Variants in TMCO6 observed in about 807,000 individuals in gnomAD.
TMCO6 encodes the protein transmembrane and coiled-coil domains 6, also known as transmembrane and coiled-coil domain-containing protein 6.
In TMCO6, 47 loss-of-function variants were observed where a neutral mutation model predicts 61.8. The ratio of observed to expected loss-of-function variants is 0.76; its 90% CI spans 0.60 to 0.97. The LOEUF (loss-of-function observed/expected upper bound fraction) is 0.97, where lower values mean the gene tolerates loss of function less well. TMCO6 is among the 50% of genes least tolerant of loss of function. The pLI, the probability that TMCO6 is intolerant of heterozygous loss-of-function variation, is 0.00. For missense variants in TMCO6, 557 were observed against 601.6 expected, an observed-to-expected ratio of 0.93 and a Z score of 0.78; for synonymous variants, 261 against 254.2, an observed-to-expected ratio of 1.03 and a Z score of -0.25.
At chr5:140,645,594 T>C (rs757640873), downstream of TMCO6, 4 of 1,614,030 alleles carry the variant, frequency 2.5e-6, no homozygotes, top group Admixed American at 1.7e-5. Context: ...GCTTCAGGCT[T>C]TACCACTTAG....
At chr5:140,625,545 A>G in the TMCO6 span, among the ~76,000 whole-genome samples, 1 of 152,118 alleles carries the variant, frequency 6.6e-6, no homozygotes, top group Non-Finnish European at 1.5e-5. Context: ...TAAACTTGCA[A>G]TCCTTCACCC....
At chr5:140,606,326 A>C in the TMCO6 span, among the ~76,000 whole-genome samples, 1 of 151,828 alleles carries the variant, frequency 6.6e-6, no homozygotes, top group African/African-American at 2.4e-5. Context: ...ATAAACAAAA[A>C]AATTGTAGAG....
the TMCO6 span, among the ~76,000 whole-genome samples, chr5:140,599,741 A>G: frequency 6.6e-6 from 1 of 152,060 alleles, no homozygotes; most frequent in African/African-American, 2.4e-5. Context: ...TCTCTACTAA[A>G]AATATAAAAA....
upstream of TMCO6, among the ~76,000 whole-genome samples, chr5:140,637,140 TC>T (rs1756787482): frequency 6.6e-6 from 1 of 151,894 alleles, no homozygotes; most frequent in African/African-American, 2.4e-5. Context: ...TGCGAGAGCC[TC>T]CCCCAAGAGT....
At chr5:140,598,232 G>T in the TMCO6 span, among the ~76,000 whole-genome samples, 1 of 151,136 alleles carries the variant, frequency 6.6e-6, no homozygotes, top group Non-Finnish European at 1.5e-5. Flanking sequence ...TTAGAGACAG[G>T]TTCTTGTTTT....
At chr5:140,618,651 C>T in the TMCO6 span, among the ~76,000 whole-genome samples, 1 of 152,038 alleles carries the variant, frequency 6.6e-6, no homozygotes. Flanking sequence ...CTCTTCCACC[C>T]TCCCCACTCA....
the TMCO6 span, among the ~76,000 whole-genome samples, chr5:140,604,025 C>G: frequency 3.3e-5 from 5 of 152,140 alleles, no homozygotes; most frequent in African/African-American, 4.8e-5. Flanking sequence ...AAAAATTTAT[C>G]ATTATAGCAG....
chr5:140,642,664 A>G lies in TMCO6; in HGVS notation c.682A>G (p.Ile228Val). ...ACAGGCTGAGGAAGCTCCAGAGAAG[A>G]TCATTCCGTGAGTAAAATTGTCTTT... ...LLQAEEAPEKIIPSILASTLP... is the reference protein window; with the variant it reads ...LLQAEEAPEKVIPSILASTLP... Residue 228 changes from isoleucine to valine, a missense_variant, in exon 6 of 12, where the codon ATC becomes GTC. Transcript: ENST00000394671. 1 of 1,614,190 alleles carries G rather than the reference A, an allele frequency of 6.2e-7. No homozygotes were observed. The highest frequency in any genetic ancestry group is 1.1e-5 in the South Asian group (1 of 91,086).
chr5:140,644,239 G>A (rs1014061284), intron 10 of TMCO6, 45 bp downstream of exon 10: 11 of 1,580,690 alleles, frequency 7.0e-6, no homozygotes, highest in Non-Finnish European at 8.7e-6. Context: ...TAGTCGGATT[G>A]TATGGGACAG....
rs771603330 is a variant in TMCO6, at chr5:140,642,405, G to A, written c.589G>A (p.Ala197Thr). ...LLPQGIVPAL[A>T]ACIQSPHVAV... Reference sequence around the variant, plus strand: ...GCCACAGGGCATTGTTCCAGCCTTGGCTGCCTGCATCCAGGTGACTCCTTT... The same window carrying A: ...GCCACAGGGCATTGTTCCAGCCTTGACTGCCTGCATCCAGGTGACTCCTTT... Residue 197 changes from alanine (A) to threonine (T), a missense_variant, in exon 5 of 12, where the codon GCT becomes ACT. Transcript: ENST00000394671. 6.2e-7 allele frequency: 1 copy of A among 1,613,010 alleles called. No homozygotes were observed.
the TMCO6 span, among the ~76,000 whole-genome samples, chr5:140,613,029 T>C: frequency 6.6e-6 from 1 of 151,930 alleles, no homozygotes; most frequent in African/African-American, 2.4e-5. Flanking sequence ...AAGATACAAA[T>C]AAAGAAGACA....
chr5:140,627,475 T>G, the TMCO6 span, among the ~76,000 whole-genome samples: 1 of 152,222 alleles, frequency 6.6e-6, no homozygotes, highest in Non-Finnish European at 1.5e-5. Context: ...ATGTATAAAT[T>G]TTGAAGACAT....
chr5:140,633,008 C>A, the TMCO6 span: 4 of 1,613,966 alleles, frequency 2.5e-6, no homozygotes, highest in Non-Finnish European at 3.4e-6. Flanking sequence ...GTCTAGGAGG[C>A]CCCATCCAAC....
chr5:140,643,192 T>C, intron 7 of TMCO6, 151 bp downstream of exon 7: 2 of 1,152,086 alleles, frequency 1.7e-6, no homozygotes, highest in Non-Finnish European at 2.4e-6. Flanking sequence ...CCACAGACCT[T>C]AGCTGTTTCT....
At chr5:140,631,140 T>C in the TMCO6 span, among the ~76,000 whole-genome samples, 1 of 152,218 alleles carries the variant, frequency 6.6e-6, no homozygotes, top group Admixed American at 6.5e-5. Context: ...AGACCGACTG[T>C]ATCTTGCGTC....
the TMCO6 span, among the ~76,000 whole-genome samples, chr5:140,634,341 AAAC>A: frequency 6.6e-6 from 1 of 152,196 alleles, no homozygotes. Context: ...CAAAAACAGA[AAAC>A]AAAACAAAAT....
the TMCO6 span, among the ~76,000 whole-genome samples, chr5:140,603,050 C>T: frequency 6.6e-6 from 1 of 151,960 alleles, no homozygotes. Flanking sequence ...GTGTATGATT[C>T]AGTGGTATTT....
At chr5:140,606,999 A>AAATAAT in the TMCO6 span, among the ~76,000 whole-genome samples, 1 of 134,716 alleles carries the variant, frequency 7.4e-6, no homozygotes, top group African/African-American at 2.9e-5. Context: ...TAAAAAAAAA[A>AAATAAT]AATAATAATA....
chr5:140,634,571 C>T (rs1297564141), upstream of TMCO6, among the ~76,000 whole-genome samples: 7 of 150,696 alleles, frequency 4.6e-5, no homozygotes, highest in African/African-American at 1.2e-4. Flanking sequence ...CTGCAACCTC[C>T]GCCTCCCAAG....
Sources: gnomAD v4.1 joint callset for allele counts (sites outside exome capture counted in the v4.1 genomes callset) on GRCh38, gnomAD v4.1.1 for gene constraint, MANE v1.5 for transcripts, NCBI Gene and HGNC (gene_info 2026-07-23, HGNC 2026-07-21) for gene names.